PIK3CB: variants seen among roughly 807,000 people sequenced by gnomAD.
The protein encoded by PIK3CB is phosphatidylinositol-4,5-bisphosphate 3-kinase catalytic subunit beta, also known as phosphatidylinositol 4,5-bisphosphate 3-kinase catalytic subunit beta isoform.
In PIK3CB, 39 loss-of-function variants were observed where a neutral mutation model predicts 136.8. The ratio of observed to expected loss-of-function variants is 0.29; its 90% CI spans 0.22 to 0.37. The LOEUF (loss-of-function observed/expected upper bound fraction) is 0.37. Among genes scored for constraint, PIK3CB ranks in the 10% least tolerant of loss-of-function variants. The pLI is 1.00. For synonymous variants in PIK3CB, 428 were observed against 436.6 expected, an observed-to-expected ratio of 0.98 and a Z score of 0.25; for missense variants, 868 against 1,275.4, an observed-to-expected ratio of 0.68 and a Z score of 4.87.
chr3:138,667,441 G>A (rs967241810), intron 19 of PIK3CB, among the ~76,000 whole-genome samples: 1 of 152,046 alleles, frequency 6.6e-6, no homozygotes, highest in Non-Finnish European at 1.5e-5. Flanking sequence ...TTGTGGGGAG[G>A]AGGGAGTATA....
At chr3:138,670,380 A>T (rs1205436175) in intron 19 of PIK3CB, among the ~76,000 whole-genome samples, 1 of 152,222 alleles carries the variant, frequency 6.6e-6, no homozygotes, top group Non-Finnish European at 1.5e-5. Context: ...AGAACAAATG[A>T]GTTACTAAAC....
chr3:138,727,828 A>C (rs1478135120), intron 8 of PIK3CB, among the ~76,000 whole-genome samples: 2 of 152,082 alleles, frequency 1.3e-5, no homozygotes, highest in East Asian at 1.9e-4. Context: ...CCATTAAATA[A>C]ATTTTGAATT....
intron 8 of PIK3CB, among the ~76,000 whole-genome samples, chr3:138,730,422 C>A (rs957145238): frequency 6.6e-6 from 1 of 152,108 alleles, no homozygotes; most frequent in African/African-American, 2.4e-5. Flanking sequence ...CAGAGAAATA[C>A]CAACCATAAA....
At chr3:138,789,044 G>A (rs1478210211) in intron 2 of PIK3CB, among the ~76,000 whole-genome samples, 1 of 150,852 alleles carries the variant, frequency 6.6e-6, no homozygotes, top group East Asian at 1.9e-4. Flanking sequence ...CCCAGGCAAG[G>A]CTGTGGAGAA....
At chr3:138,728,573 C>G (rs918282477) in intron 8 of PIK3CB, among the ~76,000 whole-genome samples, 3 of 151,738 alleles carry the variant, frequency 2.0e-5, no homozygotes, top group Non-Finnish European at 4.4e-5. Flanking sequence ...GTCAGGAGAT[C>G]GAGACCATCC....
At chr3:138,725,571 ATTAATCT>A (rs2044820078) in intron 8 of PIK3CB, among the ~76,000 whole-genome samples, 1 of 152,148 alleles carries the variant, frequency 6.6e-6, no homozygotes, top group African/African-American at 2.4e-5. Flanking sequence ...ATTTGTATTG[ATTAATCT>A]TTAAGTTCAC....
intron 2 of PIK3CB, among the ~76,000 whole-genome samples, chr3:138,785,753 C>CCT (rs1191823758): frequency 6.6e-6 from 1 of 151,380 alleles, no homozygotes; most frequent in African/African-American, 2.4e-5. Context: ...GCTGACCTTC[C>CCT]CTCCACTATT....
intron 4 of PIK3CB, among the ~76,000 whole-genome samples, chr3:138,747,071 T>TGGC (rs2045372274): frequency 5.0e-5 from 2 of 39,822 alleles, no homozygotes; most frequent in African/African-American, 1.1e-4. Context: ...TATATATATA[T>TGGC]ATATATATAT....
chr3:138,715,161 T>A (rs1301651533), intron 8 of PIK3CB, among the ~76,000 whole-genome samples: 3 of 152,198 alleles, frequency 2.0e-5, no homozygotes, highest in African/African-American at 4.8e-5. Flanking sequence ...CCAAAGTTTC[T>A]TTCTACTTCT....
chr3:138,828,907 C>T (rs1933908211), intron 1 of PIK3CB, among the ~76,000 whole-genome samples: 1 of 152,024 alleles, frequency 6.6e-6, no homozygotes, highest in African/African-American at 2.4e-5. Context: ...CCTGCTTCAG[C>T]CTCCAGAATA....
intron 19 of PIK3CB, among the ~76,000 whole-genome samples, chr3:138,669,069 C>T (rs2043473144): frequency 6.6e-6 from 1 of 152,146 alleles, no homozygotes; most frequent in African/African-American, 2.4e-5. Flanking sequence ...CTCCAACCCT[C>T]TGAGATGCTG....
In PIK3CB at chr3:138,656,270, G is replaced by A. The variant is rs138462760; in HGVS notation, c.2947C>T (p.Arg983Cys). 5.6e-6 allele frequency: 9 copies of A among 1,614,062 alleles called. No individual in the cohort carries two copies. The highest frequency in any genetic ancestry group is 7.6e-6 in the Non-Finnish European group (9 of 1,179,990). Residue 983 changes from arginine (R) to cysteine (C), a missense_variant, in exon 23 of 24, where the codon CGC (arginine) becomes TGC (cysteine). This residue lies in a region of PIK3CB where 88 missense variants were observed against 147.8 expected (regional missense o/e 0.60). Transcript: ENST00000674063. ...AGATATGCATCCTCACAACACTGGC[G>A]GAACCTTTGGGTGATGCAGCAAACC... ...TGNTEKFGRFRQCCEDAYLIL... is the reference protein window; with the variant it reads ...TGNTEKFGRFCQCCEDAYLIL...
intron 1 of PIK3CB, among the ~76,000 whole-genome samples, chr3:138,808,831 CTATA>C (rs1375278815): frequency 6.6e-6 from 1 of 151,058 alleles, no homozygotes; most frequent in Non-Finnish European, 1.5e-5. Flanking sequence ...ATATATTAGA[CTATA>C]TAACATATAC....
Position 138,693,957 on chromosome 3 carries a change from ATATATATAT to A in PIK3CB, c.1892+820_1892+828del, listed in dbSNP as rs1370773283. On this transcript the variant is annotated intron_variant, in intron 14 of 23. Coordinates refer to ENST00000674063, the MANE Select transcript of PIK3CB (RefSeq NM_006219.3). ...TTAAAATATATATATATATATATAT[ATATATATAT>A]TATATATATATATATATATATATAT... is the stretch of plus-strand genomic sequence containing the variant. Among the ~76,000 whole-genome samples, 727 of 36,944 alleles carry A rather than the reference ATATATATAT, an allele frequency of 0.02. 23 individuals carry two copies. The East Asian group carries it at 0.31, about 16-fold the overall frequency. 24.2% of individuals were successfully genotyped at this position (36,944 alleles called of 152,430 possible). A position where few individuals can be genotyped will look rare whatever the true frequency, so the allele number is the denominator to read the frequency against.
At chr3:138,724,360 T>C (rs1056000335) in intron 8 of PIK3CB, among the ~76,000 whole-genome samples, 1 of 152,154 alleles carries the variant, frequency 6.6e-6, no homozygotes, top group Non-Finnish European at 1.5e-5. Flanking sequence ...CAGAAGCTTG[T>C]CCCCATAGAA....
intron 1 of PIK3CB, among the ~76,000 whole-genome samples, chr3:138,805,981 G>A (rs566621016): frequency 6.6e-6 from 1 of 151,708 alleles, no homozygotes; most frequent in South Asian, 2.1e-4. Flanking sequence ...TCCCACCTTG[G>A]CCTCCCAAAG....
rs1472011722 is a variant in PIK3CB, at chr3:138,825,859, C to T, written c.-122+8836G>A. ...CTTTGGGTGAAGCTCTTCCTGCAGA[C>T]AATGTGGACTTCAATGTCAAGAATG... On this transcript the variant is annotated intron_variant, in intron 1 of 23. Coordinates refer to ENST00000674063, the MANE Select transcript of PIK3CB (RefSeq NM_006219.3). 4 of 1,397,298 alleles carry T rather than the reference C, an allele frequency of 2.9e-6. No homozygotes were observed. The Admixed American group carries it at 7.6e-5, about 27-fold the overall frequency. The allele number at this position is 1,397,298 out of a possible 1,614,324, so 86.6% of individuals were successfully genotyped here.
intron 8 of PIK3CB, 147 bp downstream of exon 8, chr3:138,733,214 T>G (rs1422922322): frequency 2.4e-6 from 1 of 410,406 alleles, no homozygotes; most frequent in Non-Finnish European, 4.4e-6. Context: ...AAATTCTCAA[T>G]AGTCTTATAA....
chr3:138,829,278 T>C (rs1413948716), intron 1 of PIK3CB, among the ~76,000 whole-genome samples: 1 of 152,024 alleles, frequency 6.6e-6, no homozygotes, highest in East Asian at 1.9e-4. Context: ...AAAATAAAAA[T>C]AAACAATTCG....
Sources: allele counts gnomAD v4.1 joint callset (sites outside exome capture counted in the v4.1 genomes callset), GRCh38; gene constraint gnomAD v4.1.1; regional missense constraint gnomAD v4.1.1; transcripts MANE v1.5; gene names NCBI Gene and HGNC (gene_info 2026-07-23, HGNC 2026-07-21).